Variants in SOX5 observed in about 807,000 individuals in gnomAD.
The protein encoded by SOX5 is SRY-box transcription factor 5.
In SOX5, 9 loss-of-function variants were observed where a neutral mutation model predicts 92.0. The ratio of observed to expected loss-of-function variants is 0.10; its 90% CI spans 0.06 to 0.17. The LOEUF (loss-of-function observed/expected upper bound fraction) is 0.17. Ranked by LOEUF, SOX5 falls within the 10% of genes least tolerant of loss-of-function variation. The pLI is 1.00. For synonymous variants in SOX5, 344 were observed against 336.3 expected (o/e 1.02, Z -0.25); for missense variants, 642 against 944.5 (o/e 0.68, Z 4.20).
intron 1 of SOX5, among the ~76,000 whole-genome samples, chr12:24,505,078 T>C (rs1357033944): frequency 6.6e-6 from 1 of 152,210 alleles, no homozygotes; most frequent in Non-Finnish European, 1.5e-5. Context: ...TAAAAACAGG[T>C]TTAAGATCTG....
rs545527205 is a variant in SOX5 at position 23,851,207 on chromosome 12, T to C, written c.271-5014A>G. Among the ~76,000 whole-genome samples the C allele has an allele frequency of 5.8e-4, 88 of 152,268 alleles. No individual in the cohort carries two copies. The South Asian group carries it at 0.012, about 22-fold the overall frequency. On this transcript the variant is annotated intron_variant, in intron 2 of 14. Transcript: ENST00000451604. ...AGATAAGCATTTAGAAAGAGATACA[T>C]ATTTTAGTTATTCTTTAAAGAGAAA...
chr12:23,539,612 A>C (rs1263488310), intron 13 of SOX5, among the ~76,000 whole-genome samples: 1 of 151,976 alleles, frequency 6.6e-6, no homozygotes, highest in African/African-American at 2.4e-5. Context: ...GCTTAAAAAA[A>C]AAAAAAAAGA....
intron 2 of SOX5, among the ~76,000 whole-genome samples, chr12:23,883,564 A>G (rs1324161710): frequency 6.6e-6 from 1 of 152,212 alleles, no homozygotes; most frequent in Non-Finnish European, 1.5e-5. Context: ...ACACATCTAC[A>G]TATGGAGAAG....
intron 2 of SOX5, among the ~76,000 whole-genome samples, chr12:23,873,674 CA>C (rs1274024405): frequency 2.0e-5 from 3 of 152,186 alleles, no homozygotes; most frequent in Non-Finnish European, 4.4e-5. Context: ...TTAAATCAAA[CA>C]GTCTCTATTA....
intron 3 of SOX5, among the ~76,000 whole-genome samples, chr12:23,819,588 TCC>T (rs1458767042): frequency 6.6e-6 from 1 of 151,980 alleles, no homozygotes; most frequent in Non-Finnish European, 1.5e-5. Flanking sequence ...GTCCCCCCAC[TCC>T]CCGACAGGCC....
intron 9 of SOX5, among the ~76,000 whole-genome samples, chr12:23,585,156 T>C (rs1003246454): frequency 1.3e-5 from 2 of 152,204 alleles, no homozygotes; most frequent in Non-Finnish European, 2.9e-5. Flanking sequence ...AAATGTGATT[T>C]TGACTTGTGA....
intron 1 of SOX5, among the ~76,000 whole-genome samples, chr12:24,451,492 T>C (rs1942297848): frequency 6.6e-6 from 1 of 152,224 alleles, no homozygotes; most frequent in African/African-American, 2.4e-5. Flanking sequence ...GACGTAATTT[T>C]AACTAGGGTG....
At chr12:23,741,795 C>T (rs7314704) in intron 4 of SOX5, among the ~76,000 whole-genome samples, 1,788 of 152,174 alleles carry the variant, frequency 0.012, 33 homozygotes, top group African/African-American at 0.041. Context: ...ATTATGGTCA[C>T]GTAAGCTAAT....
intron 2 of SOX5, among the ~76,000 whole-genome samples, chr12:24,352,838 C>T (rs1482642561): frequency 6.6e-6 from 1 of 152,184 alleles, no homozygotes; most frequent in African/African-American, 2.4e-5. Context: ...GAATTGCACA[C>T]TCCAGTGGTG....
chr12:23,877,757 A>G (rs545499220), intron 2 of SOX5, among the ~76,000 whole-genome samples: 2 of 152,204 alleles, frequency 1.3e-5, no homozygotes, highest in Non-Finnish European at 2.9e-5. Flanking sequence ...TGGACATTAT[A>G]TGAAATGTGT....
chr12:23,989,218 C>CAAAAAAAAAAA (rs554892984), intron 4 of SOX5, among the ~76,000 whole-genome samples: 2 of 104,448 alleles, frequency 1.9e-5, no homozygotes, highest in Non-Finnish European at 1.8e-5. Context: ...GCCAAAAATA[C>CAAAAAAAAAAA]AAAAAAAAAA....
intron 6 of SOX5, among the ~76,000 whole-genome samples, chr12:23,729,511 C>T (rs1480317955): frequency 6.6e-6 from 1 of 152,178 alleles, no homozygotes; most frequent in Non-Finnish European, 1.5e-5. Flanking sequence ...ATTTTCTTTG[C>T]TCTACCCTTA....
At chr12:24,289,643 G>T (rs1478646595) in intron 2 of SOX5, among the ~76,000 whole-genome samples, 1 of 135,836 alleles carries the variant, frequency 7.4e-6, no homozygotes, top group African/African-American at 3.2e-5. Flanking sequence ...TTTTAGTAGA[G>T]ACGGGGTTTC....
rs773150078 is a variant in SOX5 at position 23,534,385 on chromosome 12, A to G, written c.2126T>C (p.Ile709Thr). The change falls in exon 15 of 15, where the codon ATC (isoleucine) becomes ACC (threonine). Residue 709 changes from isoleucine to threonine, a missense_variant. This residue lies in a region of SOX5 where 130 missense variants were observed against 140.6 expected (regional missense o/e 0.92). Coordinates refer to ENST00000451604, the MANE Select transcript of SOX5 (RefSeq NM_006940.6). ...TCCTTTCACACCGTAAGTGCTCTGG[A>G]TAACAGGCATCCCAGGCTCTGGGCT... ...SSSPEPGMPV[I>T]QSTYGVKGEE... 34 of 1,614,098 alleles carry G rather than the reference A, an allele frequency of 2.1e-5. No homozygotes were observed. In the South Asian group the frequency reaches 3.7e-4, roughly 18 times the overall value.
At chr12:23,998,686 C>T (rs1951275804) in intron 4 of SOX5, among the ~76,000 whole-genome samples, 1 of 151,348 alleles carries the variant, frequency 6.6e-6, no homozygotes, top group Admixed American at 6.6e-5. Context: ...CTTGTAATCC[C>T]AGCTCCTTGG....
intron 1 of SOX5, among the ~76,000 whole-genome samples, chr12:23,900,940 C>T (rs976793793): frequency 4.6e-5 from 7 of 152,068 alleles, no homozygotes; most frequent in African/African-American, 1.2e-4. Flanking sequence ...AGCCTGGTGA[C>T]AGAGCAAGAC....
At chr12:23,556,382 A>G (rs1333682613) in intron 11 of SOX5, among the ~76,000 whole-genome samples, 1 of 152,184 alleles carries the variant, frequency 6.6e-6, no homozygotes, top group East Asian at 1.9e-4. Flanking sequence ...CAAATAAATA[A>G]TTACATGTAA....
At chr12:24,256,694 G>A (rs1041395776) in intron 3 of SOX5, among the ~76,000 whole-genome samples, 2 of 152,100 alleles carry the variant, frequency 1.3e-5, no homozygotes, top group Non-Finnish European at 2.9e-5. Context: ...CTATCCATTA[G>A]AGTTGCAGAA....
chr12:24,133,268 A>C (rs1322503342), intron 4 of SOX5, among the ~76,000 whole-genome samples: 2 of 152,214 alleles, frequency 1.3e-5, no homozygotes, highest in Non-Finnish European at 2.9e-5. Context: ...CAGCTTTAAA[A>C]AGTCATGAAG....
Sources: gnomAD v4.1 joint callset for allele counts (sites outside exome capture counted in the v4.1 genomes callset) on GRCh38, gnomAD v4.1.1 for gene constraint, gnomAD v4.1.1 regional missense constraint, MANE v1.5 for transcripts, NCBI Gene and HGNC (gene_info 2026-07-23, HGNC 2026-07-21) for gene names.